Variants in GSN observed in about 807,000 individuals in gnomAD.
GSN encodes actin-depolymerizing factor.
GSN carries 56 observed loss-of-function variants against 85.7 expected under a neutral mutation model. The observed-to-expected ratio is 0.65, with a 90% CI of 0.53 to 0.82. The LOEUF (loss-of-function observed/expected upper bound fraction) is 0.82. Among genes scored for constraint, GSN ranks in the 40% least tolerant of loss-of-function variants. The pLI, the probability that GSN is intolerant of heterozygous loss-of-function variation, is 0.00. For missense variants in GSN, 857 were observed against 979.8 expected, an observed-to-expected ratio of 0.87 and a Z score of 1.67; for synonymous variants, 373 against 399.1, an observed-to-expected ratio of 0.93 and a Z score of 0.78.
At chr9:121,233,325 C>T (rs1231873407) in intron 5 of GSN, among the ~76,000 whole-genome samples, 1 of 152,026 alleles carries the variant, frequency 6.6e-6, no homozygotes, top group African/African-American at 2.4e-5. Flanking sequence ...ATTAGTCGGG[C>T]GTGGTAGCAT....
intron 7 of GSN, among the ~76,000 whole-genome samples, chr9:121,316,884 G>A (rs1361805987): frequency 1.3e-5 from 2 of 148,786 alleles, no homozygotes; most frequent in Non-Finnish European, 3.0e-5. Flanking sequence ...TGTGCAGTTT[G>A]TGTTACCCCT....
intron 2 of GSN, among the ~76,000 whole-genome samples, chr9:121,300,713 C>G (rs1216175143): frequency 1.3e-5 from 2 of 152,198 alleles, no homozygotes; most frequent in Non-Finnish European, 2.9e-5. Flanking sequence ...CTCCAACAGC[C>G]TCCTGCAGAC....
chr9:121,230,896 T>C (rs1588442953), intron 4 of GSN, among the ~76,000 whole-genome samples: 1 of 152,206 alleles, frequency 6.6e-6, no homozygotes, highest in African/African-American at 2.4e-5. Context: ...CTAGGATAAG[T>C]CCTACTCCCA....
In GSN at chr9:121,299,839, G is replaced by A; in HGVS notation, c.-9-2124G>A. ...GACCCGAGGCCGCGGCTGCCGACTG[G>A]GTCCCCTGCCGCTGTCGCCACCATG... On this transcript the variant is annotated intron_variant, in intron 2 of 17. Transcript: ENST00000432226. The surrounding 1 kb of genome is among the most constrained non-coding windows in gnomAD (Gnocchi z 4.2). The A allele has an allele frequency of 7.4e-7, 1 of 1,348,060 alleles. No individual in the cohort carries two copies. The highest frequency in any genetic ancestry group is 9.6e-7 in the Non-Finnish European group (1 of 1,041,574). The allele number at this position is 1,348,060 out of a possible 1,614,324, so 83.5% of individuals were successfully genotyped here.
chr9:121,227,806 C>A (rs865854271), intron 4 of GSN, among the ~76,000 whole-genome samples: 6 of 152,008 alleles, frequency 3.9e-5, no homozygotes, highest in Non-Finnish European at 8.8e-5. Flanking sequence ...CCTGGGGATA[C>A]CAAGCAAAGG....
At chr9:121,218,242 G>A (rs887294591) in intron 4 of GSN, among the ~76,000 whole-genome samples, 2 of 152,348 alleles carry the variant, frequency 1.3e-5, no homozygotes, top group East Asian at 1.9e-4. Context: ...AAAACAAAGA[G>A]TTTATTTGAG....
intron 5 of GSN, among the ~76,000 whole-genome samples, chr9:121,236,899 C>G (rs1207581892): frequency 6.6e-6 from 1 of 152,216 alleles, no homozygotes; most frequent in Non-Finnish European, 1.5e-5. Context: ...AACATGAGAG[C>G]CTTTGCTTCT....
chr9:121,321,469 A>C, intron 11 of GSN, 68 bp downstream of exon 11: 1 of 1,526,236 alleles, frequency 6.6e-7, no homozygotes, highest in Non-Finnish European at 9.0e-7. Flanking sequence ...GGCTGAAGAC[A>C]AACTGAGGGT....
intron 4 of GSN, chr9:121,308,855 T>C (rs538283653): frequency 3.3e-5 from 5 of 152,394 alleles, no homozygotes; most frequent in African/African-American, 1.2e-4. Flanking sequence ...GTGGGCATCA[T>C]CATTTCACAA....
chr9:121,243,887 G>T (rs545754400), intron 5 of GSN, among the ~76,000 whole-genome samples: 1 of 152,248 alleles, frequency 6.6e-6, no homozygotes, highest in South Asian at 2.1e-4. Context: ...CATATTTTTA[G>T]TGCACAATTG....
chr9:121,303,380 T>G lies in GSN; in HGVS notation c.351+315T>G, dbSNP rs1564488143. 2.6e-5 allele frequency among the ~76,000 whole-genome samples: 4 copies of G among 152,336 alleles called. No homozygotes were observed. The South Asian group carries it at 8.3e-4, about 32-fold the overall frequency. The stretch of plus-strand genomic sequence containing the variant: ...CCAGAGGTGAAAATCCAGTTCTTCT[T>G]GCAGGCCCTGGGGGGCTTTGGCCTA... On this transcript the variant is annotated intron_variant, in intron 4 of 17. Coordinates refer to ENST00000432226, the MANE Select transcript of GSN (RefSeq NM_198252.3).
chr9:121,302,340 C>T lies in GSN; in HGVS notation c.196+173C>T, dbSNP rs565089464. Among the ~76,000 whole-genome samples the T allele has an allele frequency of 2.6e-5, 4 of 152,338 alleles. No homozygotes were observed. In the East Asian group the frequency reaches 7.7e-4, roughly 29 times the overall value. The stretch of plus-strand genomic sequence containing the variant: ...AGCCAGCCTGGCCAAGTTCACACCC[C>T]CACTCTGCCCCTAACCCATGTTCTG... On this transcript the variant is annotated intron_variant, in intron 3 of 17. Transcript: ENST00000432226.
intron 14 of GSN, among the ~76,000 whole-genome samples, chr9:121,328,506 G>A (rs306770): frequency 0.82 from 125,057 of 152,214 alleles, 51,568 homozygotes; most frequent in East Asian, 0.99. Context: ...GAGTATAGGT[G>A]TTAGAATCAG....
At chr9:121,293,531 T>C (rs1222615373) in intron 2 of GSN, among the ~76,000 whole-genome samples, 1 of 151,712 alleles carries the variant, frequency 6.6e-6, no homozygotes, top group Non-Finnish European at 1.5e-5. Context: ...GGCAGATCAC[T>C]TGAGGTTAGG....
In GSN at chr9:121,228,424, A is replaced by AT. The variant is rs869071386; in HGVS notation, c.-527-2714dup. Among the ~76,000 whole-genome samples, 86 of 48,108 alleles carry AT rather than the reference A, an allele frequency of 1.8e-3. 2 individuals are homozygous for AT. Among genetic ancestry groups the AT allele is most frequent in the South Asian group, 7.7e-3 (8 of 1,036 alleles). The allele number at this position is 48,108 out of a possible 152,430, so 31.6% of individuals were successfully genotyped here. On this transcript the variant is annotated intron_variant, in intron 4 of 24. Transcript: ENST00000373823. Reference sequence around the variant, plus strand: ...TTAACATATATATATATATATATATATTTTTTTTTTTTTTTTTTTTTTTTT... The same window carrying AT: ...TTAACATATATATATATATATATATATTTTTTTTTTTTTTTTTTTTTTTTTT...
intron 6 of GSN, chr9:121,313,686 G>A (rs1466518064): frequency 8.8e-6 from 5 of 568,534 alleles, no homozygotes; most frequent in South Asian, 2.0e-5. Context: ...TATCTGAAGC[G>A]CTGTCTGGAG....
At chr9:121,263,888 C>CA (rs34342246), upstream of GSN, among the ~76,000 whole-genome samples, 31,277 of 70,346 alleles carry the variant, frequency 0.44, 6,648 homozygotes, top group East Asian at 0.64. Flanking sequence ...AACTCCATCT[C>CA]AAAAAAAAAA....
intron 5 of GSN, chr9:121,237,999 A>T (rs1257596311): frequency 1.3e-5 from 2 of 152,260 alleles, no homozygotes; most frequent in East Asian, 3.8e-4. Flanking sequence ...TTTGTTTTTA[A>T]TTATAGGTTA....
rs1368915753 is a variant in GSN at position 121,237,950 on chromosome 9, T to A, written c.-389+6647T>A. On this transcript the variant is annotated intron_variant, in intron 5 of 24. Transcript: ENST00000373823. The stretch of plus-strand genomic sequence containing the variant: ...GGAATAGTTTGAAGTCTGTTAGCAG[T>A]TTAAAGCATTCAACACTGGAACAAT... Among the ~76,000 whole-genome samples, 3 of 152,346 alleles carry A rather than the reference T, an allele frequency of 2.0e-5. No homozygotes were observed. In the East Asian group the frequency reaches 5.8e-4, roughly 29 times the overall value.
Sources: gnomAD v4.1 joint callset for allele counts (sites outside exome capture counted in the v4.1 genomes callset) on GRCh38, gnomAD v4.1.1 for gene constraint, Gnocchi (gnomAD v3.1) non-coding constraint, MANE v1.5 for transcripts, NCBI Gene and HGNC (gene_info 2026-07-23, HGNC 2026-07-21) for gene names.